KIAA1671: variants seen among roughly 807,000 people sequenced by gnomAD.
The protein encoded by KIAA1671 is uncharacterized protein KIAA1671.
In KIAA1671, 52 loss-of-function variants were observed where a neutral mutation model predicts 131.2. The ratio of observed to expected loss-of-function variants is 0.40; its 90% confidence interval spans 0.32 to 0.50. The LOEUF (loss-of-function observed/expected upper bound fraction) is 0.50, where lower values mean the gene tolerates loss of function less well. Among genes scored for constraint, KIAA1671 ranks in the 20% least tolerant of loss-of-function variants. The pLI, the probability that KIAA1671 is intolerant of heterozygous loss-of-function variation, is 0.73. For missense variants in KIAA1671, 2,360 were observed against 2,364.2 expected (o/e 1.00, Z 0.04); for synonymous variants, 1,003 against 961.6 (o/e 1.04, Z -0.80).
chr22:25,076,754 T>C (rs1929129003), intron 6 of KIAA1671, among the ~76,000 whole-genome samples: 1 of 152,218 alleles, frequency 6.6e-6, no homozygotes, highest in South Asian at 2.1e-4. Flanking sequence ...TAATTAGTGA[T>C]ATAAGCAATA....
chr22:25,093,722 C>T (rs867112957), intron 6 of KIAA1671, among the ~76,000 whole-genome samples: 1,572 of 124,264 alleles, frequency 0.013, 191 homozygotes, highest in African/African-American at 0.065. Context: ...CACACACACA[C>T]ACACACACAC....
At chr22:25,118,227 C>T (rs1931775154) in intron 6 of KIAA1671, among the ~76,000 whole-genome samples, 1 of 151,814 alleles carries the variant, frequency 6.6e-6, no homozygotes, top group Non-Finnish European at 1.5e-5. Flanking sequence ...CTTCCAGCTT[C>T]TGGTGGTTCC....
At chr22:24,967,810 G>GT (rs1922378124) in intron 1 of KIAA1671, among the ~76,000 whole-genome samples, 1 of 152,148 alleles carries the variant, frequency 6.6e-6, no homozygotes, top group South Asian at 2.1e-4. Context: ...GGCTAACACG[G>GT]TGAAACCCTG....
At position 25,040,619 on chromosome 22, in the gene KIAA1671, C is replaced by G; in HGVS notation, c.3489C>G (p.Thr1163=). 1.9e-6 allele frequency: 3 copies of G among 1,551,776 alleles called. No homozygotes were observed. Among genetic ancestry groups the G allele is most frequent in the African/African-American group, 1.4e-5 (1 of 73,152 alleles). ...CCAGCGGCGGAGCTCCCCAAACCAC[C>G]CCGACTCTGAGGAGTCGTCCAAAAG... The part of the protein sequence containing the change: ...MSPSGGAPQT[T]PTLRSRPKDL... Residue 1163 remains threonine, a synonymous_variant, in exon 5 of 13, where the codon ACC becomes ACG. Coordinates refer to ENST00000358431, the MANE Select transcript of KIAA1671 (RefSeq NM_001145206.2).
chr22:25,120,933 A>G (rs1409437810), intron 6 of KIAA1671, among the ~76,000 whole-genome samples: 4 of 152,152 alleles, frequency 2.6e-5, no homozygotes, highest in African/African-American at 4.8e-5. Context: ...GTACTTCTTC[A>G]TCTGGATTTC....
At chr22:25,008,941 C>G (rs6004390) in intron 1 of KIAA1671, among the ~76,000 whole-genome samples, 30,895 of 152,118 alleles carry the variant, frequency 0.2, 3,330 homozygotes, top group East Asian at 0.45. Flanking sequence ...ATGGAGCCTT[C>G]GACTTAGGTG....
rs1230877604 is a variant in KIAA1671 at position 24,967,653 on chromosome 22, T to A, written c.-208+14881T>A. Among the ~76,000 whole-genome samples the A allele has an allele frequency of 2.0e-5, 3 of 152,144 alleles. No homozygotes were observed. The East Asian group carries it at 5.8e-4, about 29-fold the overall frequency. ...GGCTCTGATCCCAGCCTCGGCCCCA[T>A]TGTCCCCCAGCCTTGAAGCAAAACC... On this transcript the variant is annotated intron_variant, in intron 1 of 12. Transcript: ENST00000358431.
chr22:24,980,527 C>G (rs192921569), intron 1 of KIAA1671, among the ~76,000 whole-genome samples: 57 of 152,066 alleles, frequency 3.7e-4, no homozygotes, highest in Non-Finnish European at 6.5e-4. Context: ...GCCTTGGCCT[C>G]CCATAGTGCT....
chr22:24,991,314 T>G lies in KIAA1671; in HGVS notation c.-207-34319T>G, dbSNP rs564858117. Among the ~76,000 whole-genome samples, 6 of 151,590 alleles carry G rather than the reference T, an allele frequency of 4.0e-5. No individual in the cohort carries two copies. The South Asian group carries it at 1.2e-3, about 31-fold the overall frequency. On this transcript the variant is annotated intron_variant, in intron 1 of 12. Coordinates refer to ENST00000358431, the MANE Select transcript of KIAA1671 (RefSeq NM_001145206.2). ...CTGGGATTACAGGCATGAGCCACCA[T>G]GCCCAGCCCCTTTCTTCCTTATTTT...
chr22:25,177,440 G>A lies in KIAA1671; in HGVS notation c.4992G>A (p.Arg1664=), dbSNP rs796743306. 9 of 1,551,756 alleles carry A rather than the reference G, an allele frequency of 5.8e-6. No homozygotes were observed. The African/African-American group carries it at 1.1e-4, about 19-fold the overall frequency. Residue 1664 remains arginine (R), a synonymous_variant, in exon 9 of 13, where the codon CGG becomes CGA. Coordinates refer to ENST00000358431, the MANE Select transcript of KIAA1671 (RefSeq NM_001145206.2). ...RRRAPISHSL[R]RSRFSESESR... is the part of the protein sequence containing the mutation. The stretch of plus-strand genomic sequence containing the variant: ...GGGCCCCCATCTCCCACTCCCTCCG[G>A]CGCAGCCGATTTAGTGAGTCCGAGA...
chr22:25,093,662 C>T (rs886628483), intron 6 of KIAA1671, among the ~76,000 whole-genome samples: 17 of 142,722 alleles, frequency 1.2e-4, no homozygotes, highest in South Asian at 4.5e-4. Flanking sequence ...GGAGAGGTAC[C>T]GGGATCTTCC....
At chr22:25,068,733 G>GC (rs1928639032) in intron 6 of KIAA1671, among the ~76,000 whole-genome samples, 1 of 152,156 alleles carries the variant, frequency 6.6e-6, no homozygotes, top group South Asian at 2.1e-4. Context: ...ACCGTGCCCA[G>GC]CCCACCCTCT....
At chr22:25,114,226 CTGGCCT>C (rs1931541261) in intron 6 of KIAA1671, among the ~76,000 whole-genome samples, 1 of 152,242 alleles carries the variant, frequency 6.6e-6, no homozygotes, top group Non-Finnish European at 1.5e-5. Flanking sequence ...TAGGCACCAG[CTGGCCT>C]TGGCCTTGAC....
rs1333306617 is a variant in KIAA1671 at position 25,192,748 on chromosome 22, G to A, written c.*347G>A. 1.3e-5 allele frequency: 2 copies of A among 152,186 alleles called. No homozygotes were observed. Among genetic ancestry groups the A allele is most frequent in the Non-Finnish European group, 2.9e-5 (2 of 68,034 alleles). The allele number at this position is 152,186 out of a possible 1,614,324, so 9.4% of individuals were successfully genotyped here. ...CTTCATCAGCTCCAAGAACATCAGT[G>A]TGAGGCTGGAATTGTCTCCCCAGGT... On this transcript the variant is annotated 3_prime_UTR_variant, in exon 13 of 13. Coordinates refer to ENST00000358431, the MANE Select transcript of KIAA1671 (RefSeq NM_001145206.2).
At chr22:24,983,609 G>C (rs574023858) in intron 1 of KIAA1671, among the ~76,000 whole-genome samples, 78 of 151,576 alleles carry the variant, frequency 5.1e-4, no homozygotes, top group African/African-American at 1.8e-3. Flanking sequence ...GTGTATGGTG[G>C]GGGGGCGGGG....
In KIAA1671 at chr22:25,164,948, GA is replaced by G. The variant is rs71322730; in HGVS notation, c.4531-5859del. Among the ~76,000 whole-genome samples, 133 of 89,618 alleles carry G rather than the reference GA, an allele frequency of 1.5e-3. 1 individual carries two copies. Among genetic ancestry groups the G allele is most frequent in the African/African-American group, 4.1e-3 (61 of 14,808 alleles). The allele number at this position is 89,618 out of a possible 152,430, so 58.8% of individuals were successfully genotyped here. ...GGGCAACAGAGTGAGACTGTCTCGGGAAAAAAAAAAAAAGAGAGAGAGTTGC... is the reference window on the plus strand; with the variant it reads ...GGGCAACAGAGTGAGACTGTCTCGGGAAAAAAAAAAAAGAGAGAGAGTTGC... On this transcript the variant is annotated intron_variant, in intron 6 of 12. Coordinates refer to ENST00000358431, the MANE Select transcript of KIAA1671 (RefSeq NM_001145206.2).
intron 1 of KIAA1671, among the ~76,000 whole-genome samples, chr22:24,990,643 G>A (rs990624453): frequency 6.6e-6 from 1 of 152,242 alleles, no homozygotes; most frequent in African/African-American, 2.4e-5. Flanking sequence ...CCTCTGGAGC[G>A]TCACCATGTG....
chr22:25,038,798 G>A lies in KIAA1671; in HGVS notation c.1668G>A (p.Pro556=), dbSNP rs1039052915. The change falls in exon 5 of 13, where the codon CCG becomes CCA. Residue 556 remains proline, a synonymous_variant. Transcript: ENST00000358431. ...EGHSLDGACI[P]RSPWKPGTLR... Reference sequence around the variant, plus strand: ...ACAGTTTGGATGGAGCATGCATCCCGAGAAGCCCCTGGAAGCCTGGGACAC... The same window carrying A: ...ACAGTTTGGATGGAGCATGCATCCCAAGAAGCCCCTGGAAGCCTGGGACAC... 3.2e-6 allele frequency: 5 copies of A among 1,550,158 alleles called. No individual in the cohort carries two copies. The highest frequency in any genetic ancestry group is 2.7e-5 in the African/African-American group (2 of 73,120).
chr22:25,040,453 G>A lies in KIAA1671; in HGVS notation c.3323G>A (p.Arg1108His), dbSNP rs796087654. 3.4e-5 allele frequency: 53 copies of A among 1,552,034 alleles called. No homozygotes were observed. The highest frequency in any genetic ancestry group is 2.3e-4 in the African/African-American group (17 of 73,164). The change falls in exon 5 of 13, where the codon CGT becomes CAT. Residue 1108 changes from arginine (R) to histidine (H), a missense_variant. By Grantham distance (29) the Arg-to-His change is conservative. Coordinates refer to ENST00000358431, the MANE Select transcript of KIAA1671 (RefSeq NM_001145206.2). ...TTAAAAACTCTGAAGCCAACAGACC[G>A]TCCATCATCTCTTGGGGCCTGGAGT... Reference protein sequence around the residue: ...SILKTLKPTDRPSSLGAWSLD... With the variant: ...SILKTLKPTDHPSSLGAWSLD...
Sources: gnomAD v4.1 joint callset for allele counts (sites outside exome capture counted in the v4.1 genomes callset) on GRCh38, gnomAD v4.1.1 for gene constraint, MANE v1.5 for transcripts, NCBI Gene and HGNC (gene_info 2026-07-23, HGNC 2026-07-21) for gene names.